The following SLCO5A1 variants were observed in gnomAD, a reference collection of about 807,000 sequenced individuals.
SLCO5A1 encodes organic anion transporter polypeptide-related protein 4.
In SLCO5A1, 39 loss-of-function variants were observed where a neutral mutation model predicts 65.1. That is an observed-to-expected ratio of 0.60 (90% CI 0.46 to 0.78). SLCO5A1 has a LOEUF of 0.78. Ranked by LOEUF, SLCO5A1 falls within the 30% of genes least tolerant of loss-of-function variation. The pLI, the probability that SLCO5A1 is intolerant of heterozygous loss-of-function variation, is 0.00. For synonymous variants in SLCO5A1, 438 were observed against 415.7 expected (o/e 1.05, Z -0.65); for missense variants, 1,029 against 1,069.4 (o/e 0.96, Z 0.53).
chr8:69,807,094 C>A (rs1273343932), intron 2 of SLCO5A1, among the ~76,000 whole-genome samples: 1 of 152,226 alleles, frequency 6.6e-6, no homozygotes, highest in African/African-American at 2.4e-5. Flanking sequence ...TCAAACTGTA[C>A]TACAGGGCAA....
At chr8:69,826,713 T>A (rs974886929) in intron 2 of SLCO5A1, among the ~76,000 whole-genome samples, 2 of 152,156 alleles carry the variant, frequency 1.3e-5, no homozygotes, top group Non-Finnish European at 2.9e-5. Context: ...TGTAAACTAG[T>A]TCAACCATTG....
intron 4 of SLCO5A1, among the ~76,000 whole-genome samples, chr8:69,750,302 T>G (rs1186650724): frequency 6.6e-6 from 1 of 152,078 alleles, no homozygotes; most frequent in Non-Finnish European, 1.5e-5. Flanking sequence ...TTTCCTTCTC[T>G]ACTAGTCGAA....
intron 6 of SLCO5A1, among the ~76,000 whole-genome samples, chr8:69,683,594 A>G (rs1813876709): frequency 6.9e-6 from 1 of 145,232 alleles, no homozygotes; most frequent in East Asian, 2.0e-4. Context: ...AAGGAGTCTC[A>G]CTCTGTCGCC....
chr8:69,784,119 G>T (rs1353732180), intron 2 of SLCO5A1, among the ~76,000 whole-genome samples: 1 of 152,100 alleles, frequency 6.6e-6, no homozygotes, highest in East Asian at 1.9e-4. Context: ...CTATTTTTTA[G>T]AAAGGCAAGG....
At chr8:69,729,675 T>G (rs147867963) in intron 5 of SLCO5A1, among the ~76,000 whole-genome samples, 1 of 151,940 alleles carries the variant, frequency 6.6e-6, no homozygotes, top group African/African-American at 2.4e-5. Flanking sequence ...GCGAACTGAT[T>G]TGGAATAATT....
At position 69,833,023 on chromosome 8, in the gene SLCO5A1, G is replaced by A; in HGVS notation, c.-350C>T. The A allele has an allele frequency of 3.3e-6, 1 of 304,620 alleles. No homozygotes were observed. The highest frequency in any genetic ancestry group is 5.8e-6 in the Non-Finnish European group (1 of 171,290). The allele number at this position is 304,620 out of a possible 1,614,324, so 18.9% of individuals were successfully genotyped here. ...CCGCCGCCGCCGCCGCCGCCGCTGG[G>A]CCCGCGGCCAGGAGCGAGTGCACCC... On this transcript the variant is annotated 5_prime_UTR_variant, in exon 2 of 10. Transcript: ENST00000260126.
rs796417515 is a variant in SLCO5A1, at chr8:69,667,230, T to C, written c.*5639A>G. On this transcript the variant is annotated 3_prime_UTR_variant, in exon 10 of 10. Coordinates refer to ENST00000260126, the MANE Select transcript of SLCO5A1 (RefSeq NM_030958.3). The stretch of plus-strand genomic sequence containing the variant: ...GAATATCATTTTAAAAATCACAAAA[T>C]CAAACTTCTTTATGCAACAGTGCAA... 7.9e-5 allele frequency: 12 copies of C among 152,188 alleles called. No homozygotes were observed. Among genetic ancestry groups the C allele is most frequent in the African/African-American group, 2.9e-4 (12 of 41,530 alleles). 9.4% of individuals were successfully genotyped at this position (152,188 alleles called of 1,614,324 possible). A position where few individuals can be genotyped will look rare whatever the true frequency, so the allele number is the denominator to read the frequency against.
At chr8:69,794,799 C>T (rs1474874728) in intron 2 of SLCO5A1, 5 of 166,022 alleles carry the variant, frequency 3.0e-5, no homozygotes, top group African/African-American at 7.2e-5. Flanking sequence ...AAGTGGCTCA[C>T]CATTCTGCAG....
chr8:69,692,941 G>A (rs1814336842), intron 6 of SLCO5A1, among the ~76,000 whole-genome samples: 1 of 152,078 alleles, frequency 6.6e-6, no homozygotes, highest in South Asian at 2.1e-4. Context: ...AATAACACAG[G>A]TGCTTATTAT....
intron 5 of SLCO5A1, among the ~76,000 whole-genome samples, chr8:69,712,545 C>A (rs1815316538): frequency 6.6e-6 from 1 of 152,148 alleles, no homozygotes; most frequent in African/African-American, 2.4e-5. Context: ...AATTAGGCAA[C>A]CCATTCATTA....
chr8:69,719,629 T>C (rs1190273644), intron 5 of SLCO5A1: 1 of 152,214 alleles, frequency 6.6e-6, no homozygotes, highest in Non-Finnish European at 1.5e-5. Context: ...ATATTAACTG[T>C]CTCTCCCAAG....
intron 4 of SLCO5A1, among the ~76,000 whole-genome samples, chr8:69,743,779 A>G (rs934167224): frequency 6.6e-6 from 1 of 152,158 alleles, no homozygotes; most frequent in African/African-American, 2.4e-5. Context: ...CAGAGGTGCT[A>G]TCTACAGGCA....
At chr8:69,675,040 CA>C (rs879273189) in intron 9 of SLCO5A1, among the ~76,000 whole-genome samples, 43 of 144,702 alleles carry the variant, frequency 3.0e-4, no homozygotes, top group African/African-American at 3.3e-4. Context: ...ACTCTGTCTC[CA>C]AAAAAAAAAT....
At chr8:69,740,299 T>A (rs1036565057) in intron 4 of SLCO5A1, among the ~76,000 whole-genome samples, 2 of 152,206 alleles carry the variant, frequency 1.3e-5, no homozygotes, top group Non-Finnish European at 2.9e-5. Context: ...TTGGTGGGAC[T>A]GGGTGATTTT....
chr8:69,703,487 C>A (rs2130808782), intron 6 of SLCO5A1, among the ~76,000 whole-genome samples: 1 of 152,282 alleles, frequency 6.6e-6, no homozygotes, highest in East Asian at 1.9e-4. Context: ...TCAAGACCAA[C>A]CTGGGCAACA....
intron 2 of SLCO5A1, among the ~76,000 whole-genome samples, chr8:69,830,098 C>A (rs908871965): frequency 5.9e-5 from 9 of 152,292 alleles, no homozygotes; most frequent in African/African-American, 2.2e-4. Context: ...AAGGAAATTT[C>A]TTTCTCTTGC....
At chr8:69,821,482 GAGAAGAAGAAGAAAAGA>G (rs956624101) in intron 2 of SLCO5A1, among the ~76,000 whole-genome samples, 11 of 151,794 alleles carry the variant, frequency 7.2e-5, no homozygotes, top group South Asian at 2.1e-4. Flanking sequence ...GAAGGACAAG[GAGAAGAAGAAGAAAAGA>G]AGAAGAAGAA....
At chr8:69,742,759 T>G (rs1456920764) in intron 4 of SLCO5A1, among the ~76,000 whole-genome samples, 3 of 150,086 alleles carry the variant, frequency 2.0e-5, no homozygotes, top group Non-Finnish European at 4.4e-5. Flanking sequence ...TTGGTCAAAA[T>G]TCAGAAAATC....
intron 8 of SLCO5A1, among the ~76,000 whole-genome samples, chr8:69,678,331 C>T (rs1206515510): frequency 6.6e-6 from 1 of 152,096 alleles, no homozygotes; most frequent in Admixed American, 6.6e-5. Context: ...AAGGAACTCC[C>T]CAAACCTCCG....
Sources: allele counts gnomAD v4.1 joint callset (sites outside exome capture counted in the v4.1 genomes callset), GRCh38; gene constraint gnomAD v4.1.1; transcripts MANE v1.5; gene names NCBI Gene and HGNC (gene_info 2026-07-23, HGNC 2026-07-21).